The following CD46 variants were observed in gnomAD, a reference collection of about 807,000 sequenced individuals.
CD46 encodes the protein membrane cofactor protein.
A neutral mutation model predicts 53.3 loss-of-function variants in CD46; 30 were observed. The observed-to-expected ratio is 0.56, with a 90% CI of 0.42 to 0.76. CD46 has a LOEUF of 0.76. CD46 is among the 30% of genes least tolerant of loss of function. CD46 has a pLI of 0.00. For synonymous variants in CD46, 142 were observed against 152.0 expected, an observed-to-expected ratio of 0.93 and a Z score of 0.48; for missense variants, 409 against 463.0, an observed-to-expected ratio of 0.88 and a Z score of 1.07.
At chr1:207,791,843 CA>C (rs1380740913) in intron 12 of CD46, among the ~76,000 whole-genome samples, 1 of 152,132 alleles carries the variant, frequency 6.6e-6, no homozygotes, top group Non-Finnish European at 1.5e-5. Flanking sequence ...TTGCCATCTT[CA>C]AAATAGCTTC....
intron 8 of CD46, among the ~76,000 whole-genome samples, chr1:207,771,756 A>G (rs551804564): frequency 1.3e-5 from 2 of 152,264 alleles, no homozygotes; most frequent in South Asian, 2.1e-4. Flanking sequence ...ATTGATCTAT[A>G]TATCTGTTTT....
chr1:207,761,499 T>G (rs1656210526), intron 5 of CD46, 53 bp downstream of exon 5: 6 of 1,442,518 alleles, frequency 4.2e-6, no homozygotes. Context: ...GGAAACATTT[T>G]GTAAATAGTT....
chr1:207,788,033 G>A (rs549106697), intron 11 of CD46, among the ~76,000 whole-genome samples: 41 of 152,134 alleles, frequency 2.7e-4, no homozygotes, highest in African/African-American at 9.6e-4. Context: ...CACTGACCAG[G>A]GTGTTGCCCA....
chr1:207,767,848 T>G (rs1395489001), intron 7 of CD46, 25 bp downstream of exon 7: 12 of 1,550,438 alleles, frequency 7.7e-6, no homozygotes, highest in African/African-American at 6.8e-5. Flanking sequence ...TGCTTATAGT[T>G]TTTCAAAAAT....
intron 1 of CD46, among the ~76,000 whole-genome samples, chr1:207,754,372 A>AC (rs1462945358): frequency 1.3e-5 from 2 of 151,870 alleles, no homozygotes; most frequent in Non-Finnish European, 2.9e-5. Context: ...TTCTCTGATC[A>AC]CCCCACCTCG....
Position 207,767,437 on chromosome 1 carries a change from G to T in CD46, c.856+242G>T, listed in dbSNP as rs1656984769. 5.5e-6 allele frequency: 4 copies of T among 722,582 alleles called. No homozygotes were observed. The Admixed American group carries it at 8.7e-5, about 16-fold the overall frequency. The allele number at this position is 722,582 out of a possible 1,614,324, so 44.8% of individuals were successfully genotyped here. On this transcript the variant is annotated intron_variant, in intron 6 of 12. Coordinates refer to ENST00000367042, the MANE Select transcript of CD46 (RefSeq NM_172351.3). Reference sequence around the variant, plus strand: ...CTTAGCACGTTATGTACATTGCATGGGTATATGCTTTTAATATTTTTATGT... The same window carrying T: ...CTTAGCACGTTATGTACATTGCATGTGTATATGCTTTTAATATTTTTATGT...
chr1:207,780,231 C>T (rs1405920764), intron 8 of CD46, among the ~76,000 whole-genome samples: 1 of 151,888 alleles, frequency 6.6e-6, no homozygotes, highest in African/African-American at 2.4e-5. Context: ...CATGAATTTG[C>T]CTATTCTAGG....
intron 9 of CD46, among the ~76,000 whole-genome samples, chr1:207,784,399 A>C (rs1664781436): frequency 6.6e-6 from 1 of 152,230 alleles, no homozygotes; most frequent in Non-Finnish European, 1.5e-5. Flanking sequence ...ATTTTCCTTT[A>C]CTATAGTGAA....
chr1:207,770,752 A>G (rs1267775189), intron 8 of CD46, among the ~76,000 whole-genome samples: 2 of 152,314 alleles, frequency 1.3e-5, no homozygotes, highest in South Asian at 2.1e-4. Flanking sequence ...TTATGGCTGC[A>G]TAGTATTCCA....
In CD46 at chr1:207,790,274, C is replaced by T. The variant is rs764242699; in HGVS notation, c.1104C>T (p.Thr368=). The T allele has an allele frequency of 2.4e-5, 38 of 1,593,270 alleles. No individual in the cohort carries two copies. Among genetic ancestry groups the T allele is most frequent in the Non-Finnish European group, 2.8e-5 (33 of 1,161,442 alleles). ...TCAGCACATACCTAACTGATGAGACCCACAGAGAAGTAAAATTTACTTCTC... is the reference window on the plus strand; with the variant it reads ...TCAGCACATACCTAACTGATGAGACTCACAGAGAAGTAAAATTTACTTCTC... ...KKKGTYLTDE[T]HREVKFTSL is the part of the protein sequence containing the mutation. Residue 368 remains threonine, a synonymous_variant, in exon 12 of 13, where the codon ACC becomes ACT. Transcript: ENST00000367042.
Position 207,761,288 on chromosome 1 carries a change from A to G in CD46, c.515A>G (p.Lys172Arg). ...CCACCTCCAAAAATAAAAAATGGAA[A>G]ACACACCTTTAGTGAAGTAGAAGTA... is the stretch of plus-strand genomic sequence containing the variant. The part of the protein sequence containing the change: ...CTPPPKIKNG[K>R]HTFSEVEVFE... The change falls in exon 5 of 13, where the codon AAA becomes AGA. Residue 172 changes from lysine to arginine, a missense_variant. Coordinates refer to ENST00000367042, the MANE Select transcript of CD46 (RefSeq NM_172351.3). 6.2e-7 allele frequency: 1 copy of G among 1,613,314 alleles called. No homozygotes were observed. The highest frequency in any genetic ancestry group is 8.5e-7 in the Non-Finnish European group (1 of 1,179,288).
At chr1:207,783,606 A>ACGGCGACCACCGAGATCT in intron 9 of CD46, 1 of 272,358 alleles carries the variant, frequency 3.7e-6, no homozygotes, top group Non-Finnish European at 7.0e-6. Flanking sequence ...TTTTTTCTGT[A>ACGGCGACCACCGAGATCT]ACACGCTGAT....
intron 1 of CD46, among the ~76,000 whole-genome samples, chr1:207,756,243 A>C (rs1655520796): frequency 6.6e-6 from 1 of 152,200 alleles, no homozygotes; most frequent in Non-Finnish European, 1.5e-5. Context: ...GTGGCAGAGT[A>C]GGGCAAAGGA....
rs41317081 is a variant in CD46 at position 207,760,008 on chromosome 1, G to A, written c.475+284G>A. On this transcript the variant is annotated intron_variant, in intron 4 of 12. Coordinates refer to ENST00000367042, the MANE Select transcript of CD46 (RefSeq NM_172351.3). Reference sequence around the variant, plus strand: ...GCTCATTGCAGCCTCAGCCTCTCCAGTAGCTGGGGCTTCAGGCATGTGCCA... The same window carrying A: ...GCTCATTGCAGCCTCAGCCTCTCCAATAGCTGGGGCTTCAGGCATGTGCCA... The A allele has an allele frequency of 0.044, 12,806 of 294,066 alleles. 412 individuals carry two copies. The highest frequency in any genetic ancestry group is 0.13 in the Middle Eastern group (112 of 846). The allele number at this position is 294,066 out of a possible 1,614,324, so 18.2% of individuals were successfully genotyped here.
At chr1:207,767,706 G>A (rs985556057) in intron 6 of CD46, 73 bp from the exon 7 acceptor site, 3 of 1,588,560 alleles carry the variant, frequency 1.9e-6, no homozygotes, top group Non-Finnish European at 2.6e-6. Flanking sequence ...AAGATATAAG[G>A]AATTCCTGGA....
chr1:207,782,820 GTTT>G (rs35223061), intron 8 of CD46, among the ~76,000 whole-genome samples: 1 of 133,866 alleles, frequency 7.5e-6, no homozygotes. Flanking sequence ...GCTAATTTTT[GTTT>G]TTTTTTTTTT....
chr1:207,785,592 T>C, intron 10 of CD46, 27 bp from the exon 11 acceptor site: 2 of 1,526,376 alleles, frequency 1.3e-6, no homozygotes, highest in Non-Finnish European at 1.8e-6. Context: ...CAGAATTATA[T>C]GTCATTTGTT....
chr1:207,785,176 T>G, intron 10 of CD46, 70 bp downstream of exon 10: 1 of 1,234,254 alleles, frequency 8.1e-7, no homozygotes, highest in Admixed American at 1.8e-5. Flanking sequence ...TTAAAAATAG[T>G]TTTTCAGTTT....
intron 8 of CD46, among the ~76,000 whole-genome samples, chr1:207,780,691 G>C (rs1280423509): frequency 3.3e-5 from 5 of 152,036 alleles, no homozygotes; most frequent in Non-Finnish European, 7.4e-5. Context: ...CTTTAACAAA[G>C]GTTCCAATTT....
Sources: gnomAD v4.1 joint callset for allele counts (sites outside exome capture counted in the v4.1 genomes callset) on GRCh38, gnomAD v4.1.1 for gene constraint, MANE v1.5 for transcripts, NCBI Gene and HGNC (gene_info 2026-07-23, HGNC 2026-07-21) for gene names.